The following WDR7 variants were observed in gnomAD, a reference collection of about 807,000 sequenced individuals.
The protein encoded by WDR7 is WD repeat-containing protein 7.
In WDR7, 46 loss-of-function variants were observed where a neutral mutation model predicts 169.4. The ratio of observed to expected loss-of-function variants is 0.27; its 90% confidence interval spans 0.21 to 0.35. The LOEUF is 0.35. Ranked by LOEUF, WDR7 falls within the 10% of genes least tolerant of loss-of-function variation. The pLI is 1.00. For synonymous variants in WDR7, 612 were observed against 666.8 expected, an observed-to-expected ratio of 0.92 and a Z score of 1.27; for missense variants, 1,534 against 1,859.3, an observed-to-expected ratio of 0.83 and a Z score of 3.22.
chr18:57,024,508 C>T (rs868357829), intron 27 of WDR7, among the ~76,000 whole-genome samples: 78 of 147,440 alleles, frequency 5.3e-4, no homozygotes, highest in African/African-American at 1.4e-3. Flanking sequence ...ATGTCCCTTA[C>T]AGGATTTCAC....
At chr18:56,700,312 A>G (rs1186947273) in intron 12 of WDR7, among the ~76,000 whole-genome samples, 4 of 117,156 alleles carry the variant, frequency 3.4e-5, no homozygotes, top group African/African-American at 1.3e-4. Flanking sequence ...GCTGGAGTGC[A>G]GTGGCATGAT....
chr18:57,001,561 T>C (rs775108158), intron 26 of WDR7, among the ~76,000 whole-genome samples: 2 of 152,144 alleles, frequency 1.3e-5, no homozygotes, highest in Non-Finnish European at 2.9e-5. Flanking sequence ...TGAGGTAAAA[T>C]ACACATAAAA....
intron 20 of WDR7, among the ~76,000 whole-genome samples, chr18:56,816,860 T>G (rs2044980395): frequency 6.6e-6 from 1 of 152,192 alleles, no homozygotes; most frequent in African/African-American, 2.4e-5. Flanking sequence ...GTGTGGGTGG[T>G]TAAAATTTAA....
chr18:56,995,444 T>A (rs2047885635), intron 26 of WDR7, among the ~76,000 whole-genome samples: 1 of 152,126 alleles, frequency 6.6e-6, no homozygotes, highest in Non-Finnish European at 1.5e-5. Context: ...CTACTGAAAG[T>A]AGATCTACAT....
intron 20 of WDR7, among the ~76,000 whole-genome samples, chr18:56,871,407 C>T (rs953977130): frequency 1.3e-5 from 2 of 152,116 alleles, no homozygotes; most frequent in African/African-American, 4.8e-5. Flanking sequence ...TGAGATCTTA[C>T]AGCTCACTGT....
At chr18:56,995,143 G>T (rs936539697) in intron 26 of WDR7, among the ~76,000 whole-genome samples, 21 of 152,110 alleles carry the variant, frequency 1.4e-4, no homozygotes, top group African/African-American at 4.6e-4. Context: ...TCTGAAAGGG[G>T]TTACTGGTGT....
chr18:56,928,426 C>T (rs943081981), intron 22 of WDR7, among the ~76,000 whole-genome samples: 6 of 152,144 alleles, frequency 3.9e-5, no homozygotes, highest in African/African-American at 1.4e-4. Context: ...GATTGGACCA[C>T]TACTCTACAG....
At chr18:56,756,343 G>C (rs965280440) in intron 14 of WDR7, among the ~76,000 whole-genome samples, 1 of 152,046 alleles carries the variant, frequency 6.6e-6, no homozygotes, top group South Asian at 2.1e-4. Context: ...TATTTTCTTG[G>C]TTTTTAAACT....
chr18:56,876,515 C>T lies in WDR7; in HGVS notation c.3305-3429C>T, dbSNP rs541319632. On this transcript the variant is annotated intron_variant, in intron 20 of 27. Transcript: ENST00000254442. ...CTGGGCTGAAACCATTAGCTACTTT[C>T]CAGAAGCAGGCTTTTGGCTCCTATG... 7.9e-5 allele frequency among the ~76,000 whole-genome samples: 12 copies of T among 152,246 alleles called. No homozygotes were observed. In the South Asian group the frequency reaches 2.5e-3, roughly 32 times the overall value.
rs973393013 is a variant in WDR7 at position 56,817,804 on chromosome 18, G to A, written c.3304+1660G>A. Reference sequence around the variant, plus strand: ...TTTGTTGCCCAGGTTGGGGTGCAGTGGCGCGATCTCGGCTCACTGCAACCT... The same window carrying A: ...TTTGTTGCCCAGGTTGGGGTGCAGTAGCGCGATCTCGGCTCACTGCAACCT... On this transcript the variant is annotated intron_variant, in intron 20 of 27. Coordinates refer to ENST00000254442, the MANE Select transcript of WDR7 (RefSeq NM_015285.3). Among the ~76,000 whole-genome samples, 16 of 150,228 alleles carry A rather than the reference G, an allele frequency of 1.1e-4. 1 individual carries two copies. The highest frequency in any genetic ancestry group is 9.2e-4 in the Admixed American group (14 of 15,152).
intron 12 of WDR7, among the ~76,000 whole-genome samples, chr18:56,710,073 G>A (rs1345584461): frequency 2.1e-5 from 3 of 144,128 alleles, no homozygotes; most frequent in Non-Finnish European, 4.5e-5. Context: ...GCGCAATCTC[G>A]TCTCACTGCA....
intron 25 of WDR7, among the ~76,000 whole-genome samples, chr18:56,953,954 A>G (rs28370436): frequency 0.028 from 4,298 of 152,310 alleles, 180 homozygotes; most frequent in African/African-American, 0.09. Context: ...TTTACATTGC[A>G]TATTTCATGG....
chr18:56,880,070 C>G lies in WDR7; in HGVS notation c.3431C>G (p.Pro1144Arg), dbSNP rs758310613. Residue 1144 changes from proline to arginine, a missense_variant, in exon 21 of 28, where the codon CCT (proline) becomes CGT (arginine). Transcript: ENST00000254442. ...GAATTTGGTGCTGAAATTGAACCTC[C>G]TAAACTATTGACCAGACCTCGAAGC... The part of the protein sequence containing the change: ...GAEFGAEIEP[P>R]KLLTRPRSSS... 2.5e-6 allele frequency: 4 copies of G among 1,614,076 alleles called. No homozygotes were observed. The highest frequency in any genetic ancestry group is 3.4e-6 in the Non-Finnish European group (4 of 1,179,980).
intron 1 of WDR7, among the ~76,000 whole-genome samples, chr18:56,654,821 A>G (rs995316664): frequency 3.3e-5 from 5 of 152,196 alleles, no homozygotes; most frequent in African/African-American, 1.2e-4. Context: ...TTGGTCTTTA[A>G]TACATGCAGA....
In WDR7 at chr18:56,927,894, G is replaced by C. The variant is rs138370101; in HGVS notation, c.3713+3786G>C. 1.1e-3 allele frequency among the ~76,000 whole-genome samples: 160 copies of C among 152,274 alleles called. 1 individual carries two copies. Among genetic ancestry groups the C allele is most frequent in the African/African-American group, 3.7e-3 (154 of 41,542 alleles). On this transcript the variant is annotated intron_variant, in intron 22 of 27. Coordinates refer to ENST00000254442, the MANE Select transcript of WDR7 (RefSeq NM_015285.3). Reference sequence around the variant, plus strand: ...ACAAGATCTGCCCCAAAATAACCATGATGCAAAGTGGGAAGGAAGGTAAAA... The same window carrying C: ...ACAAGATCTGCCCCAAAATAACCATCATGCAAAGTGGGAAGGAAGGTAAAA...
At chr18:56,943,614 T>C (rs559838391) in intron 25 of WDR7, among the ~76,000 whole-genome samples, 1 of 152,286 alleles carries the variant, frequency 6.6e-6, no homozygotes, top group Admixed American at 6.5e-5. Flanking sequence ...TACAAAATAT[T>C]AGCTAATATG....
chr18:56,762,357 C>T (rs2043992123), intron 16 of WDR7, among the ~76,000 whole-genome samples: 1 of 151,732 alleles, frequency 6.6e-6, no homozygotes. Flanking sequence ...AGATTGGCAA[C>T]ATTTCTTTCA....
intron 19 of WDR7, among the ~76,000 whole-genome samples, chr18:56,785,499 T>C (rs1342284031): frequency 6.6e-6 from 1 of 152,182 alleles, no homozygotes; most frequent in Non-Finnish European, 1.5e-5. Flanking sequence ...AACTTAAAAT[T>C]GAGCTTTGTC....
chr18:56,711,079 G>C (rs2144711759), intron 12 of WDR7, among the ~76,000 whole-genome samples: 1 of 150,532 alleles, frequency 6.6e-6, no homozygotes, highest in African/African-American at 2.4e-5. Context: ...CCTCTCCAAG[G>C]GTTATTAGTG....
Sources: gnomAD v4.1 joint callset for allele counts (sites outside exome capture counted in the v4.1 genomes callset) on GRCh38, gnomAD v4.1.1 for gene constraint, MANE v1.5 for transcripts, NCBI Gene and HGNC (gene_info 2026-07-23, HGNC 2026-07-21) for gene names.